The following ZNF705A variants were observed in gnomAD, a reference collection of about 807,000 sequenced individuals.
The protein encoded by ZNF705A is zinc finger protein 705A.
A neutral mutation model predicts 16.6 loss-of-function variants in ZNF705A; 8 were observed. The observed-to-expected ratio is 0.48, with a 90% confidence interval of 0.28 to 0.87. The LOEUF (loss-of-function observed/expected upper bound fraction) is 0.87, where lower values mean the gene tolerates loss of function less well. Ranked by LOEUF, ZNF705A falls within the 40% of genes least tolerant of loss-of-function variation. ZNF705A has a pLI of 0.10. For missense variants in ZNF705A, 233 were observed against 359.9 expected (o/e 0.65, Z 2.85); for synonymous variants, 73 against 117.3 (o/e 0.62, Z 2.44).
At chr12:8,171,284 G>A (rs1199271849), upstream of ZNF705A, among the ~76,000 whole-genome samples, 5 of 152,086 alleles carry the variant, frequency 3.3e-5, no homozygotes, top group Non-Finnish European at 5.9e-5. Flanking sequence ...TACATAAAAT[G>A]TATTTAATTA....
chr12:8,167,469 A>T (rs954108437), intron 1 of ZNF705A, among the ~76,000 whole-genome samples: 7 of 151,928 alleles, frequency 4.6e-5, no homozygotes, highest in African/African-American at 1.7e-4. Context: ...AGGTTTATTA[A>T]TTTTTTTTCA....
rs150631676 is a variant in ZNF705A at position 8,175,871 on chromosome 12, G to A, written c.247G>A (p.Ala83Thr). Residue 83 changes from alanine (A) to threonine (T), a missense_variant, in exon 4 of 5, where the codon GCC becomes ACC. Ala to Thr is a moderately conservative substitution (Grantham distance 58). Transcript: ENST00000359286. The stretch of plus-strand genomic sequence containing the variant: ...TTCAATTATTTCAGACAGGGAAAGT[G>A]CCCTTAAGAAAAAACACATGATATC... The A allele has an allele frequency of 9.4e-5, 152 of 1,611,406 alleles. No homozygotes were observed. In the African/African-American group the frequency reaches 1.9e-3, roughly 20 times the overall value.
upstream of ZNF705A, among the ~76,000 whole-genome samples, chr12:8,171,707 A>G (rs1182358106): frequency 1.3e-5 from 2 of 151,038 alleles, no homozygotes; most frequent in African/African-American, 2.4e-5. Flanking sequence ...TCTAAGTGAA[A>G]TAAATCCCTG....
intron 1 of ZNF705A, among the ~76,000 whole-genome samples, chr12:8,166,219 T>G (rs1205158935): frequency 6.6e-6 from 1 of 152,206 alleles, no homozygotes; most frequent in Non-Finnish European, 1.5e-5. Flanking sequence ...CCATCTGCAT[T>G]GCTGTAGTAG....
chr12:8,178,932 C>T (rs1256317407), exon 5 of ZNF705A: 1 of 152,220 alleles, frequency 6.6e-6, no homozygotes, highest in Non-Finnish European at 1.5e-5. Flanking sequence ...ACTTCAACGT[C>T]CACTAAAACC....
chr12:8,167,530 C>G (rs757553893), intron 1 of ZNF705A, among the ~76,000 whole-genome samples: 26 of 152,124 alleles, frequency 1.7e-4, no homozygotes, highest in Non-Finnish European at 3.5e-4. Context: ...GAAAGAGCAT[C>G]TGAAGAGTTT....
chr12:8,162,649 C>T, intron 1 of ZNF705A, among the ~76,000 whole-genome samples: 1 of 152,108 alleles, frequency 6.6e-6, no homozygotes, highest in Non-Finnish European at 1.5e-5. Flanking sequence ...CAGTCCCTAT[C>T]TTCTCCCACG....
Position 8,159,861 on chromosome 12 carries a change from CA to C in ZNF705A, c.-72+2770del, listed in dbSNP as rs201922916. On this transcript the variant is annotated intron_variant, in intron 1 of 5. Transcript: ENST00000396570. ...CAGCTCTTTATCTTTGTTTTTATTG[CA>C]CTTGCTTTTGGGTTCTTGGTCATGA... Among the ~76,000 whole-genome samples, 932 of 152,178 alleles carry C rather than the reference CA, an allele frequency of 6.1e-3. 7 individuals are homozygous for C. The highest frequency in any genetic ancestry group is 0.02 in the African/African-American group (840 of 41,542).
exon 1 of ZNF705A, chr12:8,172,596 G>C: frequency 6.3e-7 from 1 of 1,596,436 alleles, no homozygotes; most frequent in South Asian, 1.1e-5. Flanking sequence ...GAAATCCAGA[G>C]GTAGACAGAG....
chr12:8,168,664 G>T (rs1948420040), upstream of ZNF705A, among the ~76,000 whole-genome samples: 1 of 152,194 alleles, frequency 6.6e-6, no homozygotes, highest in Non-Finnish European at 1.5e-5. Context: ...GGCCAAACTA[G>T]AAATTCTGTA....
upstream of ZNF705A, among the ~76,000 whole-genome samples, chr12:8,170,233 T>A (rs117841484): frequency 2.8e-3 from 401 of 145,176 alleles, 3 homozygotes; most frequent in South Asian, 0.01. Context: ...TGGAGGGAGA[T>A]CCTAAGCTGT....
upstream of ZNF705A, among the ~76,000 whole-genome samples, chr12:8,167,791 A>G (rs187000028): frequency 1.6e-4 from 25 of 152,352 alleles, no homozygotes; most frequent in East Asian, 4.8e-3. Context: ...ACTGAAGGGC[A>G]TACAGCGGAA....
At chr12:8,162,413 A>C (rs1007938291) in intron 1 of ZNF705A, among the ~76,000 whole-genome samples, 3 of 152,188 alleles carry the variant, frequency 2.0e-5, no homozygotes, top group Non-Finnish European at 2.9e-5. Flanking sequence ...GCGAGGCCTC[A>C]TTAACAGTAA....
upstream of ZNF705A, among the ~76,000 whole-genome samples, chr12:8,168,344 C>T (rs147151297): frequency 9.2e-3 from 1,396 of 152,274 alleles, 28 homozygotes; most frequent in African/African-American, 0.032. Context: ...TCCTGCCCTG[C>T]TCATGCTCTT....
intron 1 of ZNF705A, among the ~76,000 whole-genome samples, chr12:8,159,600 G>A (rs974866100): frequency 6.6e-6 from 1 of 152,008 alleles, no homozygotes; most frequent in Non-Finnish European, 1.5e-5. Context: ...TTGGCCATTT[G>A]TATATCTTCT....
chr12:8,171,988 T>A (rs1168831846), upstream of ZNF705A, among the ~76,000 whole-genome samples: 3 of 152,164 alleles, frequency 2.0e-5, no homozygotes, highest in Admixed American at 2.0e-4. Flanking sequence ...CCACCTGCCT[T>A]GGCCTCCCAG....
intron 4 of ZNF705A, among the ~76,000 whole-genome samples, chr12:8,176,699 T>C (rs963599861): frequency 6.6e-6 from 1 of 152,192 alleles, no homozygotes; most frequent in African/African-American, 2.4e-5. Context: ...TAACAGCTCA[T>C]GAGGAATTTC....
At chr12:8,164,542 G>A (rs964439466) in intron 1 of ZNF705A, among the ~76,000 whole-genome samples, 1 of 152,166 alleles carries the variant, frequency 6.6e-6, no homozygotes, top group Non-Finnish European at 1.5e-5. Context: ...ATATCCATGT[G>A]TTCTCACCGT....
intron 1 of ZNF705A, among the ~76,000 whole-genome samples, chr12:8,159,622 T>A (rs1948336966): frequency 6.6e-6 from 1 of 152,022 alleles, no homozygotes; most frequent in Admixed American, 6.6e-5. Flanking sequence ...TTGAGAATTG[T>A]CTATTCATGT....
Sources: gnomAD v4.1 joint callset for allele counts (sites outside exome capture counted in the v4.1 genomes callset) on GRCh38, gnomAD v4.1.1 for gene constraint, MANE v1.5 for transcripts, NCBI Gene and HGNC (gene_info 2026-07-23, HGNC 2026-07-21) for gene names.